Variants in DAG1 observed in about 807,000 individuals in gnomAD.
The protein encoded by DAG1 is dystroglycan 1, also known as dystroglycan 1 (dystrophin-associated glycoprotein 1).
Under a neutral mutation model 46.1 loss-of-function variants are expected in DAG1, and 8 were observed. The ratio of observed to expected loss-of-function variants is 0.17; its 90% confidence interval spans 0.10 to 0.31. DAG1 has a LOEUF of 0.31. DAG1 is among the 10% of genes least tolerant of loss of function. The pLI is 1.00. For missense variants in DAG1, 1,003 were observed against 1,189.9 expected (o/e 0.84, Z 2.31); for synonymous variants, 495 against 481.8 (o/e 1.03, Z -0.36).
chr3:49,490,332 G>A (rs1392377764), intron 1 of DAG1, among the ~76,000 whole-genome samples: 3 of 149,620 alleles, frequency 2.0e-5, no homozygotes, highest in Middle Eastern at 3.4e-3. Flanking sequence ...TAGCCTGGGC[G>A]ACAGAGTGAG....
Position 49,530,826 on chromosome 3 carries a change from A to G in DAG1, c.315A>G (p.Pro105=). 1 of 1,614,208 alleles carries G rather than the reference A, an allele frequency of 6.2e-7. No homozygotes were observed. Among genetic ancestry groups the G allele is most frequent in the Non-Finnish European group, 8.5e-7 (1 of 1,180,024 alleles). ...CAGCGGCAGGGAAGGAGGCTTTGCCATCTTGGCTGCACTGGGACTCACAGA... is the reference window on the plus strand; with the variant it reads ...CAGCGGCAGGGAAGGAGGCTTTGCCGTCTTGGCTGCACTGGGACTCACAGA... ...KVSAAGKEAL[P]SWLHWDSQSH... The change falls in exon 3 of 3, where the codon CCA becomes CCG. Residue 105 remains proline, a synonymous_variant. Coordinates refer to ENST00000308775, the MANE Select transcript of DAG1 (RefSeq NM_004393.6).
chr3:49,527,117 T>C lies in DAG1; in HGVS notation c.286-3680T>C, dbSNP rs548325898. Among the ~76,000 whole-genome samples, 4 of 151,594 alleles carry C rather than the reference T, an allele frequency of 2.6e-5. No homozygotes were observed. The East Asian group carries it at 7.8e-4, about 30-fold the overall frequency. On this transcript the variant is annotated intron_variant, in intron 2 of 2. Coordinates refer to ENST00000308775, the MANE Select transcript of DAG1 (RefSeq NM_004393.6). Reference sequence around the variant, plus strand: ...GTTAAAAAGTGCCCTTGTGGCCGGGTGCGGTGGCTCATGCCTGTAATCCCA... The same window carrying C: ...GTTAAAAAGTGCCCTTGTGGCCGGGCGCGGTGGCTCATGCCTGTAATCCCA...
intron 1 of DAG1, chr3:49,487,294 A>G (rs1381060350): frequency 6.6e-6 from 1 of 152,258 alleles, no homozygotes; most frequent in Non-Finnish European, 1.5e-5. Context: ...CTGGCCTAGG[A>G]CAGACGGTTC....
intron 1 of DAG1, among the ~76,000 whole-genome samples, chr3:49,506,744 A>G (rs1048398548): frequency 2.6e-5 from 4 of 152,042 alleles, no homozygotes; most frequent in African/African-American, 4.8e-5. Flanking sequence ...GTCTGTTTTC[A>G]TGATAGATAC....
intron 1 of DAG1, chr3:49,470,918 C>G (rs1038149203): frequency 7.2e-5 from 11 of 152,252 alleles, no homozygotes; most frequent in Non-Finnish European, 1.3e-4. Flanking sequence ...ACTTGAGCTC[C>G]TTTGGAAGCT....
intron 2 of DAG1, among the ~76,000 whole-genome samples, chr3:49,521,546 A>T (rs1407284241): frequency 6.6e-6 from 1 of 151,798 alleles, no homozygotes; most frequent in Non-Finnish European, 1.5e-5. Flanking sequence ...TGCAGCCTTG[A>T]CTTCCCCAGG....
chr3:49,531,214 C>CAATA lies in DAG1; in HGVS notation c.703_704insAATA (p.Leu235GlnfsTer4). The stretch of plus-strand genomic sequence containing the variant: ...ATTAGTGCCGGTGGTGAATAACAGA[C>CAATA]TATTTGACATGTCGGCCTTCATGGC... On this transcript the variant is annotated frameshift_variant, in exon 3 of 3. Coordinates refer to ENST00000308775, the MANE Select transcript of DAG1 (RefSeq NM_004393.6). LOFTEE classifies it high-confidence loss of function. The surrounding 1 kb of genome is among the most constrained non-coding windows in gnomAD (Gnocchi z 7.0). 6.2e-7 allele frequency: 1 copy of CAATA among 1,614,170 alleles called. No individual in the cohort carries two copies. Among genetic ancestry groups the CAATA allele is most frequent in the South Asian group, 1.1e-5 (1 of 91,080 alleles).
chr3:49,487,398 G>A (rs975018478), intron 1 of DAG1: 1 of 152,152 alleles, frequency 6.6e-6, no homozygotes, highest in Non-Finnish European at 1.5e-5. Context: ...AGGACAACAG[G>A]CAACAAACTT....
At chr3:49,494,510 T>G (rs1474836576) in intron 1 of DAG1, among the ~76,000 whole-genome samples, 3 of 152,198 alleles carry the variant, frequency 2.0e-5, no homozygotes, top group Admixed American at 6.5e-5. Context: ...GCATATTAAT[T>G]TTGAGCTATG....
At position 49,532,832 on chromosome 3, in the gene DAG1, G is replaced by C; in HGVS notation, c.2321G>C (p.Cys774Ser). Reference sequence around the variant, plus strand: ...ATTGCTGGCATCATTGCCATGATCTGCTACCGCAAGAAGCGGAAGGGCAAG... The same window carrying C: ...ATTGCTGGCATCATTGCCATGATCTCCTACCGCAAGAAGCGGAAGGGCAAG... The part of the protein sequence containing the change: ...LLIAGIIAMI[C>S]YRKKRKGKLT... Residue 774 changes from cysteine (C) to serine (S), a missense_variant, in exon 3 of 3, where the codon TGC becomes TCC. Cys to Ser is a moderately radical substitution (Grantham distance 112). Around this residue, in one of 3 missense-constraint regions of DAG1, gnomAD observed 755 missense variants for 854.1 expected, o/e 0.88. Transcript: ENST00000308775. This position sits in a 1 kb window ranked among gnomAD's most constrained non-coding sequence, Gnocchi z 5.4. 6.2e-7 allele frequency: 1 copy of C among 1,614,092 alleles called. No individual in the cohort carries two copies. The highest frequency in any genetic ancestry group is 8.5e-7 in the Non-Finnish European group (1 of 1,180,004).
Position 49,532,707 on chromosome 3 carries a change from G to A in DAG1, c.2196G>A (p.Pro732=), listed in dbSNP as rs773172058. The change falls in exon 3 of 3, where the codon CCG becomes CCA. Residue 732 remains proline (P), a synonymous_variant. Transcript: ENST00000308775. This position sits in a 1 kb window ranked among gnomAD's most constrained non-coding sequence, Gnocchi z 5.4. ...VPPRRVPSEA[P]PTEVPDRDPE... ...CCAGGAGAGTGCCCTCAGAGGCGCCGCCCACAGAAGTGCCTGACAGGGACC... is the reference window on the plus strand; with the variant it reads ...CCAGGAGAGTGCCCTCAGAGGCGCCACCCACAGAAGTGCCTGACAGGGACC... 2.7e-5 allele frequency: 43 copies of A among 1,613,980 alleles called. No individual in the cohort carries two copies. The highest frequency in any genetic ancestry group is 4.5e-5 in the East Asian group (2 of 44,898).
intron 2 of DAG1, among the ~76,000 whole-genome samples, chr3:49,513,989 T>C (rs562174332): frequency 7.7e-4 from 117 of 152,284 alleles, no homozygotes; most frequent in African/African-American, 2.7e-3. Context: ...AGATATTTGT[T>C]GTATTTGGCA....
At chr3:49,484,827 G>A (rs1234219484) in intron 1 of DAG1, among the ~76,000 whole-genome samples, 1 of 145,420 alleles carries the variant, frequency 6.9e-6, no homozygotes, top group African/African-American at 2.6e-5. Context: ...ACGGAGTCTT[G>A]CTCTTGTCAC....
intron 2 of DAG1, among the ~76,000 whole-genome samples, chr3:49,515,326 C>G (rs1335926365): frequency 6.7e-6 from 1 of 148,904 alleles, no homozygotes; most frequent in Non-Finnish European, 1.5e-5. Flanking sequence ...ATTTTTTTAC[C>G]TGTAGTCATT....
chr3:49,505,782 C>G (rs557662096), intron 1 of DAG1, among the ~76,000 whole-genome samples: 38 of 151,902 alleles, frequency 2.5e-4, no homozygotes, highest in Non-Finnish European at 5.4e-4. Flanking sequence ...AACAATTCTC[C>G]TGCCTCAGCC....
chr3:49,470,729 C>T (rs1437329024), intron 1 of DAG1, among the ~76,000 whole-genome samples: 5 of 152,238 alleles, frequency 3.3e-5, no homozygotes, highest in Non-Finnish European at 7.3e-5. Context: ...GAGCCTGCGC[C>T]TTGGCCGCGG....
intron 1 of DAG1, chr3:49,470,863 GCT>G (rs1201931415): frequency 1.3e-5 from 2 of 152,386 alleles, no homozygotes; most frequent in Non-Finnish European, 2.9e-5. Flanking sequence ...TGCCGCCACT[GCT>G]CTGTCAGAGC....
rs1477202415 is a variant in DAG1 at position 49,470,346 on chromosome 3, T to C, written c.-204T>C. ...GCTTGGCGGTGGCGGCGGCGGCAGC[T>C]TCGCGCCGAATCCCCGGGGAGCGGC... On this transcript the variant is annotated 5_prime_UTR_variant, in exon 1 of 3. Transcript: ENST00000308775. 2 of 152,532 alleles carry C rather than the reference T, an allele frequency of 1.3e-5. No homozygotes were observed. Among genetic ancestry groups the C allele is most frequent in the African/African-American group, 2.4e-5 (1 of 41,428 alleles). 9.4% of individuals were successfully genotyped at this position (152,532 alleles called of 1,614,324 possible).
chr3:49,496,472 C>T (rs1328511969), intron 1 of DAG1, among the ~76,000 whole-genome samples: 1 of 149,780 alleles, frequency 6.7e-6, no homozygotes, highest in Admixed American at 6.8e-5. Context: ...ATTCTGCTGC[C>T]TTAGCCTCCT....
Sources: gnomAD v4.1 joint callset for allele counts (sites outside exome capture counted in the v4.1 genomes callset) on GRCh38, gnomAD v4.1.1 for gene constraint, gnomAD v4.1.1 regional missense constraint, Gnocchi (gnomAD v3.1) non-coding constraint, MANE v1.5 for transcripts, NCBI Gene and HGNC (gene_info 2026-07-23, HGNC 2026-07-21) for gene names.